The following COL28A1 variants were observed in gnomAD, a reference collection of about 807,000 sequenced individuals.
The protein encoded by COL28A1 is collagen alpha-1(XXVIII) chain.
A neutral mutation model predicts 150.2 loss-of-function variants in COL28A1; 161 were observed. The ratio of observed to expected loss-of-function variants is 1.07; its 90% CI spans 0.94 to 1.22. COL28A1 has a LOEUF of 1.22. COL28A1 is among the 50% of genes most tolerant of loss of function. COL28A1 has a pLI of 0.00. For synonymous variants in COL28A1, 552 were observed against 469.7 expected, an observed-to-expected ratio of 1.18 and a Z score of -2.26; for missense variants, 1,617 against 1,388.3, an observed-to-expected ratio of 1.16 and a Z score of -2.62.
At chr7:7,422,811 C>G (rs1403419391) in intron 25 of COL28A1, among the ~76,000 whole-genome samples, 2 of 152,110 alleles carry the variant, frequency 1.3e-5, no homozygotes, top group African/African-American at 4.8e-5. Flanking sequence ...GCTATTACTA[C>G]CAGCTTACAG....
In COL28A1 at chr7:7,489,428, T is replaced by C. The variant is rs1171303149; in HGVS notation, c.1125A>G (p.Gly375=). ...KGERGQEGRP[G]APGPIGVGEP... Reference sequence around the variant, plus strand: ...CACCAACTCCAATGGGTCCTGGAGCTCCCGGTCTTCCTTCTTGGCCTCTTT... The same window carrying C: ...CACCAACTCCAATGGGTCCTGGAGCCCCCGGTCTTCCTTCTTGGCCTCTTT... The change falls in exon 13 of 35, where the codon GGA becomes GGG. Residue 375 remains glycine, a synonymous_variant. Coordinates refer to ENST00000399429, the MANE Select transcript of COL28A1 (RefSeq NM_001037763.3). The C allele has an allele frequency of 6.8e-7, 1 of 1,460,310 alleles. No homozygotes were observed. Among genetic ancestry groups the C allele is most frequent in the Non-Finnish European group, 9.6e-7 (1 of 1,039,524 alleles). 90.5% of individuals were successfully genotyped at this position (1,460,310 alleles called of 1,614,324 possible). A position where few individuals can be genotyped will look rare whatever the true frequency, so the allele number is the denominator to read the frequency against.
intron 9 of COL28A1, among the ~76,000 whole-genome samples, chr7:7,507,670 T>A (rs1180087887): frequency 6.6e-6 from 1 of 152,112 alleles, no homozygotes; most frequent in Admixed American, 6.5e-5. Flanking sequence ...ATTTATTTTG[T>A]GAGGGAGAAC....
chr7:7,519,139 T>C (rs1218609433), intron 6 of COL28A1, among the ~76,000 whole-genome samples: 1 of 152,148 alleles, frequency 6.6e-6, no homozygotes, highest in African/African-American at 2.4e-5. Context: ...AGTTCCACAG[T>C]GCTGGGGAGA....
intron 10 of COL28A1, 100 bp from the exon 11 acceptor site, chr7:7,506,167 G>C: frequency 1.3e-6 from 1 of 750,222 alleles, no homozygotes. Flanking sequence ...ATCGAAGTTA[G>C]ACTGTGTAAC....
intron 27 of COL28A1, among the ~76,000 whole-genome samples, chr7:7,392,960 T>A (rs923917144): frequency 6.6e-5 from 10 of 152,112 alleles, no homozygotes; most frequent in African/African-American, 1.7e-4. Flanking sequence ...TTACTCACCT[T>A]CTGAAGCCTA....
Position 7,373,463 on chromosome 7 carries a change from G to T in COL28A1, c.2443C>A (p.Gln815Lys). Residue 815 changes from glutamine (Q) to lysine (K), a missense_variant, in exon 32 of 35, where the codon CAG becomes AAG. Gln to Lys is a moderately conservative substitution (Grantham distance 53). Transcript: ENST00000399429. The surrounding 1 kb of genome is among the most constrained non-coding windows in gnomAD (Gnocchi z 4.1). ...SSESVGPENF[Q>K]IIKNFVKTMA... ...GTCTTCACAAAATTTTTAATGATCT[G>T]AAAGTTCTCTGGCCCCACGCTTTCT... 1 of 1,614,118 alleles carries T rather than the reference G, an allele frequency of 6.2e-7. No homozygotes were observed. Among genetic ancestry groups the T allele is most frequent in the Non-Finnish European group, 8.5e-7 (1 of 1,180,020 alleles).
rs188994619 is a variant in COL28A1 at position 7,478,573 on chromosome 7, C to G, written c.1165-1393G>C. On this transcript the variant is annotated intron_variant, in intron 13 of 34. Coordinates refer to ENST00000399429, the MANE Select transcript of COL28A1 (RefSeq NM_001037763.3). ...TCCTCAGCCCTTGGGCAGTTGATGG[C>G]ACCAGGCGCTGTGGAGCAGGGGCCG... 4.6e-3 allele frequency among the ~76,000 whole-genome samples: 707 copies of G among 152,366 alleles called. 5 individuals are homozygous for G. Among genetic ancestry groups the G allele is most frequent in the East Asian group, 0.022 (113 of 5,182 alleles).
chr7:7,456,343 G>A (rs771167412), intron 15 of COL28A1, among the ~76,000 whole-genome samples: 10 of 152,094 alleles, frequency 6.6e-5, no homozygotes, highest in Non-Finnish European at 1.5e-4. Flanking sequence ...CATTTGTATA[G>A]GCTTATATTT....
intron 32 of COL28A1, 61 bp from the exon 33 acceptor site, chr7:7,370,943 A>T: frequency 8.6e-7 from 1 of 1,160,604 alleles, no homozygotes. Flanking sequence ...CTTAAAACTC[A>T]TTTAAAAAGA....
At chr7:7,440,976 T>C (rs2128320207) in intron 20 of COL28A1, 115 bp from the exon 21 acceptor site, 1 of 588,766 alleles carries the variant, frequency 1.7e-6, no homozygotes. Context: ...TAAAGTGGTG[T>C]GCCCTGAGCA....
intron 27 of COL28A1, among the ~76,000 whole-genome samples, chr7:7,396,444 G>C (rs1782841245): frequency 6.6e-6 from 1 of 152,172 alleles, no homozygotes. Flanking sequence ...TCTTGGTGTA[G>C]AGCAGAAGCC....
rs138675151 is a variant in COL28A1 at position 7,477,643 on chromosome 7, T to C, written c.1165-463A>G. On this transcript the variant is annotated intron_variant, in intron 13 of 34. Coordinates refer to ENST00000399429, the MANE Select transcript of COL28A1 (RefSeq NM_001037763.3). ...CTTTCTGGTGGGTTAGTGGTCTCGC[T>C]GGCTTCAGGAGTGAAGCTGCAGACC... Among the ~76,000 whole-genome samples the C allele has an allele frequency of 1.7e-3, 265 of 152,348 alleles. 2 individuals are homozygous for C. Among genetic ancestry groups the C allele is most frequent in the African/African-American group, 5.9e-3 (246 of 41,590 alleles).
chr7:7,515,569 A>T (rs1781372224), intron 8 of COL28A1, among the ~76,000 whole-genome samples: 1 of 152,186 alleles, frequency 6.6e-6, no homozygotes, highest in Non-Finnish European at 1.5e-5. Flanking sequence ...GTTCTCTATT[A>T]AAATAATTCA....
At chr7:7,472,484 A>T (rs1360994681) in intron 15 of COL28A1, among the ~76,000 whole-genome samples, 1 of 152,192 alleles carries the variant, frequency 6.6e-6, no homozygotes, top group Admixed American at 6.5e-5. Flanking sequence ...AAGGACCTCT[A>T]CAGGGAAAAC....
chr7:7,401,017 T>TACA (rs1190277381), intron 27 of COL28A1, among the ~76,000 whole-genome samples: 2 of 150,234 alleles, frequency 1.3e-5, no homozygotes, highest in Non-Finnish European at 3.0e-5. Context: ...TGTGTGTGTG[T>TACA]GTGTGTGTAC....
intron 18 of COL28A1, among the ~76,000 whole-genome samples, chr7:7,451,952 T>C (rs1470930043): frequency 6.6e-6 from 1 of 152,218 alleles, no homozygotes; most frequent in East Asian, 1.9e-4. Context: ...CTAGATCCTA[T>C]ATAACTTCAG....
At chr7:7,501,988 C>T (rs868361666) in intron 11 of COL28A1, among the ~76,000 whole-genome samples, 3 of 152,118 alleles carry the variant, frequency 2.0e-5, no homozygotes, top group African/African-American at 4.8e-5. Flanking sequence ...CTCTGCCTCC[C>T]GGGTTCAGGC....
At chr7:7,421,077 T>C (rs1784371061) in intron 25 of COL28A1, among the ~76,000 whole-genome samples, 1 of 152,158 alleles carries the variant, frequency 6.6e-6, no homozygotes, top group Admixed American at 6.5e-5. Flanking sequence ...CATCCAAAAC[T>C]AGAAACAGCC....
intron 9 of COL28A1, among the ~76,000 whole-genome samples, chr7:7,509,225 G>A (rs1212529929): frequency 2.0e-5 from 3 of 151,958 alleles, no homozygotes; most frequent in Non-Finnish European, 2.9e-5. Flanking sequence ...CAACCCCCTG[G>A]ACTCAAGCAA....
Sources: gnomAD v4.1 joint callset for allele counts (sites outside exome capture counted in the v4.1 genomes callset) on GRCh38, gnomAD v4.1.1 for gene constraint, Gnocchi (gnomAD v3.1) non-coding constraint, MANE v1.5 for transcripts, NCBI Gene and HGNC (gene_info 2026-07-23, HGNC 2026-07-21) for gene names.